Variants in PTPN13 observed in about 807,000 individuals in gnomAD.
PTPN13 encodes the protein tyrosine-protein phosphatase non-receptor type 13.
In PTPN13, 191 loss-of-function variants were observed where a neutral mutation model predicts 284.0. That is an observed-to-expected ratio of 0.67 (90% CI 0.60 to 0.76). PTPN13 has a LOEUF of 0.76. PTPN13 is among the 30% of genes least tolerant of loss of function. PTPN13 has a pLI of 0.00. For synonymous variants in PTPN13, 986 were observed against 1,022.3 expected (o/e 0.96, Z 0.68); for missense variants, 2,797 against 2,939.9 (o/e 0.95, Z 1.12).
At chr4:86,603,551 A>G (rs940197739) in intron 1 of PTPN13, among the ~76,000 whole-genome samples, 3 of 152,176 alleles carry the variant, frequency 2.0e-5, no homozygotes, top group Non-Finnish European at 4.4e-5. Flanking sequence ...AGAACTTTAA[A>G]TATGCTCTAA....
At chr4:86,743,318 T>C (rs1428090702) in intron 16 of PTPN13, among the ~76,000 whole-genome samples, 2 of 152,166 alleles carry the variant, frequency 1.3e-5, no homozygotes, top group Admixed American at 1.3e-4. Flanking sequence ...CCTTTGGGTG[T>C]TTTATTATAG....
At chr4:86,709,200 A>T (rs949331735) in intron 7 of PTPN13, among the ~76,000 whole-genome samples, 1 of 152,076 alleles carries the variant, frequency 6.6e-6, no homozygotes, top group African/African-American at 2.4e-5. Context: ...CCTTGCCTTT[A>T]TTCACACAGC....
chr4:86,745,172 A>G (rs1325123188), intron 17 of PTPN13, 44 bp downstream of exon 17: 3 of 1,547,648 alleles, frequency 1.9e-6, no homozygotes, highest in East Asian at 2.3e-5. Context: ...GGGAATATGA[A>G]TAATTTTTGC....
chr4:86,807,325 A>G (rs1033955105), intron 44 of PTPN13, among the ~76,000 whole-genome samples: 1 of 152,204 alleles, frequency 6.6e-6, no homozygotes, highest in Non-Finnish European at 1.5e-5. Flanking sequence ...ACCAAATTTC[A>G]TATGTCAGAA....
intron 2 of PTPN13, among the ~76,000 whole-genome samples, chr4:86,641,662 C>T (rs1723801629): frequency 6.6e-6 from 1 of 152,160 alleles, no homozygotes. Flanking sequence ...TCATGCAATT[C>T]TAACATGTAG....
chr4:86,667,565 A>G (rs577007829), intron 2 of PTPN13, among the ~76,000 whole-genome samples: 1 of 152,142 alleles, frequency 6.6e-6, no homozygotes, highest in African/African-American at 2.4e-5. Flanking sequence ...TGAACCATTT[A>G]TTTTCTATTT....
chr4:86,768,153 C>T (rs974139922), intron 28 of PTPN13, among the ~76,000 whole-genome samples, 177 bp downstream of exon 28: 4 of 152,128 alleles, frequency 2.6e-5, no homozygotes, highest in African/African-American at 9.7e-5. Context: ...ATTTGCAGCT[C>T]ATAGGGTCTG....
At chr4:86,607,104 A>T (rs1764831362) in intron 1 of PTPN13, among the ~76,000 whole-genome samples, 2 of 151,912 alleles carry the variant, frequency 1.3e-5, no homozygotes, top group African/African-American at 4.8e-5. Flanking sequence ...TGTATGTGCT[A>T]TAAACAGCAA....
At chr4:86,701,884 CCA>C in intron 7 of PTPN13, 83 bp downstream of exon 7, 1 of 1,326,916 alleles carries the variant, frequency 7.5e-7, no homozygotes, top group Non-Finnish European at 1.0e-6. Flanking sequence ...TTAAATTATT[CCA>C]CAAGTCTTAT....
At position 86,792,926 on chromosome 4, in the gene PTPN13, C is replaced by T. The variant is rs143332159; in HGVS notation, c.6346-3948C>T. ...AAACATACCAAGTGGTAAAGACTAT[C>T]GATGCTGTGAAGAAACTGCATCAAT... On this transcript the variant is annotated intron_variant, in intron 40 of 47. Transcript: ENST00000411767. Among the ~76,000 whole-genome samples, 217 of 152,256 alleles carry T rather than the reference C, an allele frequency of 1.4e-3. 2 individuals carry two copies. The highest frequency in any genetic ancestry group is 4.9e-3 in the African/African-American group (203 of 41,568).
chr4:86,775,808 A>G (rs906023832), intron 35 of PTPN13, among the ~76,000 whole-genome samples, 156 bp downstream of exon 35: 2 of 152,232 alleles, frequency 1.3e-5, no homozygotes, highest in Non-Finnish European at 2.9e-5. Flanking sequence ...TTGATAGGCG[A>G]TTTTGAGAAC....
chr4:86,789,760 A>G (rs1742401696), intron 40 of PTPN13, among the ~76,000 whole-genome samples: 4 of 152,078 alleles, frequency 2.6e-5, no homozygotes, highest in Admixed American at 2.6e-4. Context: ...CTGAAGGCCA[A>G]TCTTCTTAAC....
intron 2 of PTPN13, among the ~76,000 whole-genome samples, chr4:86,668,473 ATG>A (rs1254570748): frequency 1.3e-5 from 2 of 152,156 alleles, no homozygotes; most frequent in Non-Finnish European, 2.9e-5. Flanking sequence ...CGTAAATGTC[ATG>A]TGTGTGTTTA....
intron 2 of PTPN13, among the ~76,000 whole-genome samples, chr4:86,655,185 T>C (rs4348058): frequency 0.053 from 8,107 of 152,218 alleles, 302 homozygotes; most frequent in African/African-American, 0.085. Flanking sequence ...TGGGTCTTGA[T>C]TCTTTATCCA....
At chr4:86,795,726 C>T (rs1214135940) in intron 40 of PTPN13, among the ~76,000 whole-genome samples, 1 of 152,164 alleles carries the variant, frequency 6.6e-6, no homozygotes, top group East Asian at 1.9e-4. Context: ...AGGATGAGTT[C>T]ATGTCCTTTG....
chr4:86,799,975 T>G (rs568135972), intron 42 of PTPN13, among the ~76,000 whole-genome samples: 2 of 151,574 alleles, frequency 1.3e-5, no homozygotes, highest in Non-Finnish European at 2.9e-5. Context: ...GTAGCTGGGA[T>G]TACAAGTGTG....
intron 35 of PTPN13, among the ~76,000 whole-genome samples, chr4:86,779,380 G>A (rs182180513): frequency 7.3e-5 from 11 of 150,220 alleles, no homozygotes; most frequent in African/African-American, 2.7e-4. Context: ...TAGCGCCACT[G>A]CACTCCAGCC....
intron 9 of PTPN13, among the ~76,000 whole-genome samples, chr4:86,719,756 C>T (rs1460445298): frequency 6.6e-6 from 1 of 152,066 alleles, no homozygotes; most frequent in Admixed American, 6.6e-5. Flanking sequence ...TGCTTGTAGG[C>T]TGCATGTATA....
intron 2 of PTPN13, among the ~76,000 whole-genome samples, chr4:86,645,393 A>T (rs2148779134): frequency 6.6e-6 from 1 of 152,184 alleles, no homozygotes; most frequent in East Asian, 1.9e-4. Flanking sequence ...CAAATAAAGC[A>T]AGACAAATAA....
Sources: allele counts gnomAD v4.1 joint callset (sites outside exome capture counted in the v4.1 genomes callset), GRCh38; gene constraint gnomAD v4.1.1; transcripts MANE v1.5; gene names NCBI Gene and HGNC (gene_info 2026-07-23, HGNC 2026-07-21).